STT3B: variants seen among roughly 807,000 people sequenced by gnomAD.
STT3B encodes the protein dolichyl-diphosphooligosaccharide--protein glycosyltransferase subunit STT3B.
STT3B carries 29 observed loss-of-function variants against 96.8 expected under a neutral mutation model. The ratio of observed to expected loss-of-function variants is 0.30; its 90% CI spans 0.22 to 0.41. The LOEUF is 0.41. Among genes scored for constraint, STT3B ranks in the 10% least tolerant of loss-of-function variants. STT3B has a pLI of 1.00. For missense variants in STT3B, 640 were observed against 1,022.3 expected (o/e 0.63, Z 5.10); for synonymous variants, 367 against 360.0 (o/e 1.02, Z -0.22).
intron 3 of STT3B, among the ~76,000 whole-genome samples, chr3:31,591,868 G>A (rs1047610100): frequency 7.9e-5 from 12 of 151,942 alleles, no homozygotes; most frequent in Admixed American, 2.0e-4. Context: ...CTTTTAGCCT[G>A]AAGGACTTTC....
intron 10 of STT3B, 122 bp downstream of exon 10, chr3:31,622,430 T>G: frequency 1.2e-6 from 1 of 836,338 alleles, no homozygotes; most frequent in East Asian, 2.7e-5. Context: ...CTGTGACTTT[T>G]CTAGTTGGTC....
At position 31,579,934 on chromosome 3, in the gene STT3B, A is replaced by G. The variant is rs1280369912; in HGVS notation, c.549A>G (p.Ile183Met). The G allele has an allele frequency of 1.2e-6, 2 of 1,613,904 alleles. No individual in the cohort carries two copies. The highest frequency in any genetic ancestry group is 1.7e-6 in the Non-Finnish European group (2 of 1,179,852). The change falls in exon 3 of 16, where the codon ATA becomes ATG. Residue 183 changes from isoleucine (I) to methionine (M), a missense_variant. Ile to Met is a conservative substitution (Grantham distance 10). Transcript: ENST00000295770. ...LAPTFSGLTS[I>M]STFLLTRELW... ...CAACTTTTAGCGGCCTTACATCTAT[A>G]TCTACTTTCCTGCTTACAAGAGAAC...
intron 15 of STT3B, 91 bp from the exon 16 acceptor site, chr3:31,635,893 T>G: frequency 1.2e-6 from 1 of 845,696 alleles, no homozygotes; most frequent in Non-Finnish European, 1.8e-6. Flanking sequence ...GCTTACTAAG[T>G]CATCATAGTT....
chr3:31,570,810 G>T lies in STT3B; in HGVS notation c.315-5586G>T, dbSNP rs749049243. Among the ~76,000 whole-genome samples, 121 of 152,266 alleles carry T rather than the reference G, an allele frequency of 7.9e-4. 2 individuals carry two copies. Among genetic ancestry groups the T allele is most frequent in the Non-Finnish European group, 1.2e-3 (83 of 68,008 alleles). On this transcript the variant is annotated intron_variant, in intron 1 of 15. Transcript: ENST00000295770. ...ATAGGGTCAGTGGGTGGAAAACACG[G>T]ATGTAAGGAAAGGAGTAGGGGGATT...
Position 31,619,725 on chromosome 3 carries a change from C to T in STT3B, c.1222C>T (p.Pro408Ser), listed in dbSNP as rs757800040. 1 of 1,613,946 alleles carries T rather than the reference C, an allele frequency of 6.2e-7. No individual in the cohort carries two copies. The highest frequency in any genetic ancestry group is 8.5e-7 in the Non-Finnish European group (1 of 1,179,940). ...TATTGCATCAGTGTCTGAGCATCAA[C>T]CTACGACTTGGGTGTCTTTCTTCTT... ...PIIASVSEHQ[P>S]TTWVSFFFDL... is the part of the protein sequence containing the mutation. The change falls in exon 9 of 16, where the codon CCT becomes TCT. Residue 408 changes from proline to serine, a missense_variant. Coordinates refer to ENST00000295770, the MANE Select transcript of STT3B (RefSeq NM_178862.3).
At chr3:31,592,305 G>A (rs1265233801) in intron 3 of STT3B, among the ~76,000 whole-genome samples, 1 of 152,070 alleles carries the variant, frequency 6.6e-6, no homozygotes, top group Non-Finnish European at 1.5e-5. Flanking sequence ...CCTTTTTAAG[G>A]TGGAATAATA....
At chr3:31,624,259 G>A (rs554524723) in intron 11 of STT3B, among the ~76,000 whole-genome samples, 1 of 152,154 alleles carries the variant, frequency 6.6e-6, no homozygotes, top group South Asian at 2.1e-4. Context: ...TCTGCCTTGT[G>A]CTCCTGTGAA....
In STT3B at chr3:31,623,760, G is replaced by A. The variant is rs1277554643; in HGVS notation, c.1626G>A (p.Leu542=). Residue 542 remains leucine, a synonymous_variant, in exon 11 of 16, where the codon TTG becomes TTA. Coordinates refer to ENST00000295770, the MANE Select transcript of STT3B (RefSeq NM_178862.3). The part of the protein sequence containing the change: ...GPNIKSIVTM[L]MLMLLMMFAV... ...ATATAAAAAGCATTGTCACCATGTT[G>A]ATGCTGATGCTATTGATGATGTTTG... The A allele has an allele frequency of 6.2e-7, 1 of 1,614,046 alleles. No homozygotes were observed.
chr3:31,616,082 G>A (rs1396954712), intron 6 of STT3B, among the ~76,000 whole-genome samples: 2 of 151,862 alleles, frequency 1.3e-5, no homozygotes, highest in Non-Finnish European at 2.9e-5. Context: ...CTTCAGAAGT[G>A]AAAATTTTAA....
At position 31,580,076 on chromosome 3, in the gene STT3B, C is replaced by G; in HGVS notation, c.691C>G (p.Gln231Glu). 1 of 1,613,186 alleles carries G rather than the reference C, an allele frequency of 6.2e-7. No individual in the cohort carries two copies. The highest frequency in any genetic ancestry group is 8.5e-7 in the Non-Finnish European group (1 of 1,179,314). ...TGAAGGCATTGCTATTTTTGCACTT[C>G]AGTTCACATACTATTTATGGGTAAG... ...DNEGIAIFAL[Q>E]FTYYLWVKSV... The change falls in exon 3 of 16, where the codon CAG (glutamine) becomes GAG (glutamate). Residue 231 changes from glutamine (Q) to glutamate (E), a missense_variant. Around this residue, in one of 8 missense-constraint regions of STT3B, gnomAD observed 267 missense variants for 388.3 expected, o/e 0.69. Coordinates refer to ENST00000295770, the MANE Select transcript of STT3B (RefSeq NM_178862.3).
chr3:31,578,846 C>G (rs1035517231), intron 2 of STT3B, among the ~76,000 whole-genome samples: 1 of 151,736 alleles, frequency 6.6e-6, no homozygotes, highest in Non-Finnish European at 1.5e-5. Context: ...ATAAATAGTA[C>G]GTCAAATGAT....
intron 6 of STT3B, among the ~76,000 whole-genome samples, chr3:31,616,637 G>A (rs768624171): frequency 1.3e-5 from 2 of 151,698 alleles, no homozygotes; most frequent in African/African-American, 2.4e-5. Context: ...AGAGGAAAGG[G>A]AGGAACTTAA....
At chr3:31,547,656 T>C (rs1429589959) in intron 1 of STT3B, among the ~76,000 whole-genome samples, 1 of 152,170 alleles carries the variant, frequency 6.6e-6, no homozygotes, top group Non-Finnish European at 1.5e-5. Context: ...AGAAGAACGC[T>C]GTAGGCACGC....
chr3:31,568,151 C>T lies in STT3B; in HGVS notation c.315-8245C>T, dbSNP rs1698051036. Among the ~76,000 whole-genome samples the T allele has an allele frequency of 5.3e-5, 8 of 152,132 alleles. No individual in the cohort carries two copies. The South Asian group carries it at 1.5e-3, about 28-fold the overall frequency. ...GGCTTATTTTACTTAACATAATGAC[C>T]TCTCCAGTTCCATCCATGTTGTTGT... On this transcript the variant is annotated intron_variant, in intron 1 of 15. Coordinates refer to ENST00000295770, the MANE Select transcript of STT3B (RefSeq NM_178862.3).
chr3:31,628,747 G>A (rs554424246), intron 13 of STT3B, among the ~76,000 whole-genome samples: 10 of 152,132 alleles, frequency 6.6e-5, no homozygotes, highest in African/African-American at 1.2e-4. Flanking sequence ...AAGGAGTAAC[G>A]GAGATGAGGA....
intron 5 of STT3B, among the ~76,000 whole-genome samples, chr3:31,607,484 G>T (rs1395479316): frequency 6.6e-6 from 1 of 152,096 alleles, no homozygotes; most frequent in Non-Finnish European, 1.5e-5. Flanking sequence ...TGATGGTTTT[G>T]TAAGGGGAAA....
At chr3:31,559,173 G>A (rs1313195351) in intron 1 of STT3B, among the ~76,000 whole-genome samples, 4 of 148,196 alleles carry the variant, frequency 2.7e-5, no homozygotes, top group Non-Finnish European at 1.5e-5. Flanking sequence ...GTGTGTGTGT[G>A]TGTGTGTGTG....
intron 14 of STT3B, among the ~76,000 whole-genome samples, chr3:31,630,596 A>G (rs1246953516): frequency 1.3e-5 from 2 of 152,096 alleles, no homozygotes; most frequent in African/African-American, 2.4e-5. Flanking sequence ...GTCTGTCCCA[A>G]ATTTTTATCT....
intron 1 of STT3B, among the ~76,000 whole-genome samples, chr3:31,546,961 A>G (rs1697428705): frequency 6.6e-6 from 1 of 152,230 alleles, no homozygotes; most frequent in South Asian, 2.1e-4. Context: ...GCATTTGCAA[A>G]GGTGTACAAT....
Sources: gnomAD v4.1 joint callset for allele counts (sites outside exome capture counted in the v4.1 genomes callset) on GRCh38, gnomAD v4.1.1 for gene constraint, gnomAD v4.1.1 regional missense constraint, MANE v1.5 for transcripts, NCBI Gene and HGNC (gene_info 2026-07-23, HGNC 2026-07-21) for gene names.